VAMP7: variants seen among roughly 807,000 people sequenced by gnomAD.
The protein encoded by VAMP7 is vesicle associated membrane protein 7, also known as vesicle-associated membrane protein 7.
In VAMP7, 14 loss-of-function variants were observed where a neutral mutation model predicts 29.6. The ratio of observed to expected loss-of-function variants is 0.47; its 90% CI spans 0.31 to 0.74. The LOEUF (loss-of-function observed/expected upper bound fraction) is 0.74. VAMP7 is among the 30% of genes least tolerant of loss of function. The pLI is 0.05. For missense variants in VAMP7, 223 were observed against 262.4 expected (o/e 0.85, Z 1.04); for synonymous variants, 95 against 88.1 (o/e 1.08, Z -0.44).
At chrX:155,887,407 A>G (rs1007385061) in intron 1 of VAMP7, among the ~76,000 whole-genome samples, 3 of 152,080 alleles carry the variant, frequency 2.0e-5, no homozygotes, top group African/African-American at 7.2e-5. Flanking sequence ...GCAGCCAGAG[A>G]TGTAGGAGCA....
At chrX:155,915,765 G>A (rs28800287) in intron 5 of VAMP7, among the ~76,000 whole-genome samples, 2,812 of 152,182 alleles carry the variant, frequency 0.018, 96 homozygotes, top group African/African-American at 0.065. Context: ...CATTTGCTGA[G>A]GAGTGTTTTA....
intron 4 of VAMP7, among the ~76,000 whole-genome samples, chrX:155,898,960 T>C (rs2066023773): frequency 6.6e-6 from 1 of 152,104 alleles, no homozygotes; most frequent in South Asian, 2.1e-4. Context: ...TTCTTCCATG[T>C]TGTATAAATC....
intron 5 of VAMP7, among the ~76,000 whole-genome samples, chrX:155,904,131 C>T (rs1314791536): frequency 1.4e-5 from 2 of 144,554 alleles, no homozygotes; most frequent in African/African-American, 5.2e-5. Flanking sequence ...CGCATGTTCT[C>T]ACTCATAGGT....
intron 6 of VAMP7, among the ~76,000 whole-genome samples, chrX:155,922,202 T>G (rs1328622162): frequency 6.6e-6 from 1 of 152,068 alleles, no homozygotes; most frequent in African/African-American, 2.4e-5. Flanking sequence ...GTTACTGTTT[T>G]GTACATTCCT....
chrX:155,892,464 C>T (rs1372138577), intron 2 of VAMP7, among the ~76,000 whole-genome samples: 1 of 152,088 alleles, frequency 6.6e-6, no homozygotes, highest in Non-Finnish European at 1.5e-5. Flanking sequence ...TACTTTAGTC[C>T]TCAGTTTTGC....
chrX:155,909,680 A>G (rs1399867644), intron 5 of VAMP7, among the ~76,000 whole-genome samples: 1 of 152,192 alleles, frequency 6.6e-6, no homozygotes. Flanking sequence ...TCTGGAGGCT[A>G]GAAGTCCAAG....
Position 155,889,577 on chromosome X carries a change from T to A in VAMP7, c.111T>A (p.Pro37=), listed in dbSNP as rs750947653. ...EVTEQILAKI[P]SENNKLTYSH... is the part of the protein sequence containing the mutation. ...CAGAGCAGATTCTGGCTAAGATACC[T>A]TCTGAAAATAACAAACTAACGTACT... The change falls in exon 2 of 8, where the codon CCT becomes CCA. Residue 37 remains proline, a synonymous_variant. Transcript: ENST00000286448. The A allele has an allele frequency of 8.7e-6, 14 of 1,613,910 alleles. No homozygotes were observed. Among genetic ancestry groups the A allele is most frequent in the Non-Finnish European group, 1.2e-5 (14 of 1,179,844 alleles).
intron 4 of VAMP7, 105 bp from the exon 5 acceptor site, chrX:155,900,392 A>G (rs2066044970): frequency 1.2e-6 from 1 of 859,366 alleles, no homozygotes; most frequent in Non-Finnish European, 1.8e-6. Context: ...CAATAGAGAC[A>G]TAATTTTATA....
intron 6 of VAMP7, among the ~76,000 whole-genome samples, chrX:155,930,707 A>G (rs1239827950): frequency 6.7e-6 from 1 of 149,452 alleles, no homozygotes; most frequent in African/African-American, 2.4e-5. Context: ...TTTTTTTTAT[A>G]AATATATATA....
intron 2 of VAMP7, among the ~76,000 whole-genome samples, chrX:155,893,739 T>G (rs2065952615): frequency 6.6e-6 from 1 of 152,206 alleles, no homozygotes. Flanking sequence ...TGACCTCATC[T>G]AATCTTAAGT....
At chrX:155,908,020 T>A (rs764107783) in intron 5 of VAMP7, among the ~76,000 whole-genome samples, 1 of 149,364 alleles carries the variant, frequency 6.7e-6, no homozygotes, top group Non-Finnish European at 1.5e-5. Flanking sequence ...GCAGAGACGC[T>A]CCTCACTTCC....
intron 6 of VAMP7, among the ~76,000 whole-genome samples, chrX:155,934,598 G>T (rs1436342571): frequency 6.6e-6 from 1 of 152,050 alleles, no homozygotes; most frequent in African/African-American, 2.4e-5. Flanking sequence ...GTGTGTCTCT[G>T]CACATGAGAT....
chrX:155,936,502 C>T (rs192946767), intron 6 of VAMP7, among the ~76,000 whole-genome samples: 10 of 152,242 alleles, frequency 6.6e-5, no homozygotes, highest in African/African-American at 1.9e-4. Flanking sequence ...CTGAGCCAGG[C>T]GCGGGATATA....
At chrX:155,936,102 T>G (rs966125858) in intron 6 of VAMP7, among the ~76,000 whole-genome samples, 3 of 152,108 alleles carry the variant, frequency 2.0e-5, no homozygotes, top group African/African-American at 7.2e-5. Context: ...GGTGTCAGTC[T>G]GCCTCTACTG....
At position 155,898,190 on chromosome X, in the gene VAMP7, C is replaced by CT. The variant is rs2066012555; in HGVS notation, c.283_284insT (p.Gln95LeufsTer10). ...CCAGACTACTTACGGTTCAAGAGCACAGACAGCACTTCCATATGCCATGAA... is the reference window on the plus strand; with the variant it reads ...CCAGACTACTTACGGTTCAAGAGCACTAGACAGCACTTCCATATGCCATGAA... On this transcript the variant is annotated frameshift_variant, in exon 4 of 8. Transcript: ENST00000286448. LOFTEE classifies it high-confidence loss of function. 6.2e-7 allele frequency: 1 copy of CT among 1,613,480 alleles called. No individual in the cohort carries two copies. The highest frequency in any genetic ancestry group is 8.5e-7 in the Non-Finnish European group (1 of 1,179,652).
At chrX:155,919,003 T>C (rs906356457) in intron 5 of VAMP7, among the ~76,000 whole-genome samples, 1 of 152,206 alleles carries the variant, frequency 6.6e-6, no homozygotes, top group Non-Finnish European at 1.5e-5. Flanking sequence ...TGAGGATTTT[T>C]GCATCTGTGA....
chrX:155,940,211 G>A (rs2066723806), intron 7 of VAMP7, among the ~76,000 whole-genome samples: 1 of 152,094 alleles, frequency 6.6e-6, no homozygotes, highest in South Asian at 2.1e-4. Context: ...ATTTTTGAGT[G>A]TGTAAAGAGG....
chrX:155,937,121 G>A lies in VAMP7; in HGVS notation c.502-2580G>A, dbSNP rs186137307. Among the ~76,000 whole-genome samples, 477 of 152,192 alleles carry A rather than the reference G, an allele frequency of 3.1e-3. 6 individuals are homozygous for A. The highest frequency in any genetic ancestry group is 6.8e-3 in the Middle Eastern group (2 of 294). On this transcript the variant is annotated intron_variant, in intron 6 of 7. Transcript: ENST00000286448. ...AGAATAGAAAAAAAAATTCTAAAATGTGGATGAAACTAGAAGACATTATAT... is the reference window on the plus strand; with the variant it reads ...AGAATAGAAAAAAAAATTCTAAAATATGGATGAAACTAGAAGACATTATAT...
chrX:155,917,159 A>G (rs758601945), intron 5 of VAMP7, among the ~76,000 whole-genome samples: 1 of 152,188 alleles, frequency 6.6e-6, no homozygotes, highest in African/African-American at 2.4e-5. Flanking sequence ...GGCTATTGAT[A>G]CTTTTGTATG....
Sources: gnomAD v4.1 joint callset for allele counts (sites outside exome capture counted in the v4.1 genomes callset) on GRCh38, gnomAD v4.1.1 for gene constraint, MANE v1.5 for transcripts, NCBI Gene and HGNC (gene_info 2026-07-23, HGNC 2026-07-21) for gene names.